The following CDC14A variants were observed in gnomAD, a reference collection of about 807,000 sequenced individuals.
The protein encoded by CDC14A is dual specificity protein phosphatase CDC14A.
Under a neutral mutation model 74.4 loss-of-function variants are expected in CDC14A, and 53 were observed. The ratio of observed to expected loss-of-function variants is 0.71; its 90% CI spans 0.57 to 0.89. The LOEUF (loss-of-function observed/expected upper bound fraction) is 0.89, where lower values mean the gene tolerates loss of function less well. CDC14A is among the 40% of genes least tolerant of loss of function. The pLI, the probability that CDC14A is intolerant of heterozygous loss-of-function variation, is 0.00. For synonymous variants in CDC14A, 247 were observed against 258.4 expected, an observed-to-expected ratio of 0.96 and a Z score of 0.43; for missense variants, 646 against 713.7, an observed-to-expected ratio of 0.91 and a Z score of 1.08.
chr1:100,352,218 T>C (rs1651136844), upstream of CDC14A, among the ~76,000 whole-genome samples: 7 of 152,286 alleles, frequency 4.6e-5, no homozygotes, highest in South Asian at 1.5e-3. Context: ...CATAAGTTTC[T>C]GGCCTACAGG....
intron 4 of CDC14A, among the ~76,000 whole-genome samples, chr1:100,399,598 T>C (rs17455546): frequency 0.11 from 16,835 of 152,250 alleles, 1,215 homozygotes; most frequent in Middle Eastern, 0.17. Context: ...AGGTTGATTA[T>C]TCTCATGTTT....
In CDC14A at chr1:100,501,401, G is replaced by C. The variant is rs371095106; in HGVS notation, c.1755+2139G>C. ...TCAATAACAGACCATGTATACAATG[G>C]TGGTCCCATAAGACTATAATGGAGC... is the stretch of plus-strand genomic sequence containing the variant. On this transcript the variant is annotated intron_variant, in intron 15 of 15. Transcript: ENST00000336454. Among the ~76,000 whole-genome samples, 4 of 152,128 alleles carry C rather than the reference G, an allele frequency of 2.6e-5. No homozygotes were observed. The South Asian group carries it at 8.3e-4, about 31-fold the overall frequency.
rs555805708 is a variant in CDC14A at position 100,491,154 on chromosome 1, G to A, written c.1138-3664G>A. Among the ~76,000 whole-genome samples, 14 of 152,174 alleles carry A rather than the reference G, an allele frequency of 9.2e-5. No homozygotes were observed. The East Asian group carries it at 2.7e-3, about 29-fold the overall frequency. ...TAAATAATAAAATTAGGCATATCTAGACAATGGAATTTTATGGAGCCATAA... is the reference window on the plus strand; with the variant it reads ...TAAATAATAAAATTAGGCATATCTAAACAATGGAATTTTATGGAGCCATAA... On this transcript the variant is annotated intron_variant, in intron 11 of 15. Coordinates refer to ENST00000336454, the MANE Select transcript of CDC14A (RefSeq NM_003672.4).
At chr1:100,391,200 C>T (rs1415458599) in intron 4 of CDC14A, 4 of 247,164 alleles carry the variant, frequency 1.6e-5, no homozygotes, top group Non-Finnish European at 3.2e-5. Context: ...TTGACGTGTT[C>T]GTTTTTTGGG....
intron 15 of CDC14A, among the ~76,000 whole-genome samples, chr1:100,514,408 C>A (rs924998846): frequency 3.3e-5 from 5 of 152,094 alleles, no homozygotes; most frequent in South Asian, 2.1e-4. Context: ...ATGTATTTAT[C>A]TTTTAATGCA....
intron 15 of CDC14A, among the ~76,000 whole-genome samples, chr1:100,514,096 G>T (rs1191702520): frequency 1.6e-5 from 1 of 62,318 alleles, no homozygotes; most frequent in Non-Finnish European, 4.7e-5. Flanking sequence ...TTATATTTGA[G>T]AAATTAAAAT....
rs181981964 is a variant in CDC14A, at chr1:100,422,045, G to A, written c.310-2177G>A. ...CCTTCAGGTTGTGAAAGGTCAACCT[G>A]TAAAAGATGCCCCAAGAATCTTCCT... On this transcript the variant is annotated intron_variant, in intron 4 of 15. Transcript: ENST00000336454. Among the ~76,000 whole-genome samples, 4 of 152,320 alleles carry A rather than the reference G, an allele frequency of 2.6e-5. No individual in the cohort carries two copies. In the East Asian group the frequency reaches 7.7e-4, roughly 29 times the overall value.
intron 10 of CDC14A, among the ~76,000 whole-genome samples, chr1:100,476,786 A>G (rs1668948768): frequency 6.6e-6 from 1 of 152,196 alleles, no homozygotes; most frequent in Non-Finnish European, 1.5e-5. Flanking sequence ...ATGTCTCCCC[A>G]AATACAGGCA....
At chr1:100,511,960 T>TCTTCCCTGTCGGGCTGTGTG (rs1553200295) in intron 15 of CDC14A, among the ~76,000 whole-genome samples, 1 of 152,140 alleles carries the variant, frequency 6.6e-6, no homozygotes, top group Non-Finnish European at 1.5e-5. Context: ...CATTCAGGGT[T>TCTTCCCTGTCGGGCTGTGTG]CTTCCCTGTC....
intron 5 of CDC14A, among the ~76,000 whole-genome samples, chr1:100,436,188 G>A (rs1463621130): frequency 6.6e-6 from 1 of 152,104 alleles, no homozygotes; most frequent in African/African-American, 2.4e-5. Context: ...CATCATGTGG[G>A]GCAGGTATCT....
In CDC14A at chr1:100,462,515, A is replaced by G. The variant is rs913303304; in HGVS notation, c.608-136A>G. The G allele has an allele frequency of 1.6e-5, 11 of 672,786 alleles. No individual in the cohort carries two copies. The African/African-American group carries it at 2.0e-4, about 12-fold the overall frequency. 41.7% of individuals were successfully genotyped at this position (672,786 alleles called of 1,614,324 possible). A position where few individuals can be genotyped will look rare whatever the true frequency, so the allele number is the denominator to read the frequency against. On this transcript the variant is annotated intron_variant, in intron 8 of 15. Transcript: ENST00000336454. ...TTGATGCTTGTAGGAGCTTGCTGTG[A>G]CCTCTTCTCTCACACAACACACTTT...
chr1:100,470,765 A>G (rs896345632), intron 10 of CDC14A, among the ~76,000 whole-genome samples: 4 of 152,200 alleles, frequency 2.6e-5, no homozygotes, highest in African/African-American at 7.2e-5. Context: ...TTTTATGTCA[A>G]CCAAAATGGC....
intron 15 of CDC14A, among the ~76,000 whole-genome samples, chr1:100,517,390 G>A (rs1650315425): frequency 6.6e-6 from 1 of 152,138 alleles, no homozygotes; most frequent in Non-Finnish European, 1.5e-5. Context: ...AGTAAACTTT[G>A]TTATCCTCAG....
intron 10 of CDC14A, among the ~76,000 whole-genome samples, chr1:100,481,606 C>G (rs936983079): frequency 1.8e-4 from 28 of 152,148 alleles, no homozygotes; most frequent in African/African-American, 6.8e-4. Context: ...ATGTCCCATG[C>G]CTGGCTAGCC....
chr1:100,484,627 TA>T lies in CDC14A; in HGVS notation c.1137+188del, dbSNP rs373460421. 123,794 of 766,396 alleles carry T rather than the reference TA, an allele frequency of 0.16. 888 individuals are homozygous for T. The highest frequency in any genetic ancestry group is 0.23 in the African/African-American group (12,817 of 54,824). The allele number at this position is 766,396 out of a possible 1,614,324, so 47.5% of individuals were successfully genotyped here. A position where few individuals can be genotyped will look rare whatever the true frequency, so the allele number is the denominator to read the frequency against. ...GCAGAGGAAAGAAACCAATTGCCCT[TA>T]AAAAAAAAAAAGCTATAATTTAAGG... is the stretch of plus-strand genomic sequence containing the variant. On this transcript the variant is annotated intron_variant, in intron 11 of 15. Transcript: ENST00000336454.
intron 15 of CDC14A, among the ~76,000 whole-genome samples, chr1:100,510,197 CTG>C (rs1228579589): frequency 5.3e-5 from 8 of 152,204 alleles, no homozygotes; most frequent in African/African-American, 1.4e-4. Context: ...TTCTGGACAA[CTG>C]TAACATTTTT....
At chr1:100,383,944 A>G (rs1052851995) in intron 3 of CDC14A, among the ~76,000 whole-genome samples, 1 of 143,832 alleles carries the variant, frequency 7.0e-6, no homozygotes, top group Non-Finnish European at 1.5e-5. Context: ...ACCTTTTGTT[A>G]TTGAATGGTT....
At chr1:100,405,512 A>G (rs1170312429) in intron 4 of CDC14A, among the ~76,000 whole-genome samples, 1 of 152,160 alleles carries the variant, frequency 6.6e-6, no homozygotes, top group Non-Finnish European at 1.5e-5. Flanking sequence ...CCCATCATTC[A>G]TTAGCTATTC....
At chr1:100,513,984 A>G (rs761450655) in intron 15 of CDC14A, among the ~76,000 whole-genome samples, 20 of 152,160 alleles carry the variant, frequency 1.3e-4, no homozygotes, top group Non-Finnish European at 2.5e-4. Flanking sequence ...TATTAATTTT[A>G]TGGTATTCAT....
Sources: gnomAD v4.1 joint callset for allele counts (sites outside exome capture counted in the v4.1 genomes callset) on GRCh38, gnomAD v4.1.1 for gene constraint, MANE v1.5 for transcripts, NCBI Gene and HGNC (gene_info 2026-07-23, HGNC 2026-07-21) for gene names.